The following CDH12 variants were observed in gnomAD, a reference collection of about 807,000 sequenced individuals.
CDH12 encodes the protein cadherin 12.
Under a neutral mutation model 74.1 loss-of-function variants are expected in CDH12, and 41 were observed. The observed-to-expected ratio is 0.55, with a 90% CI of 0.43 to 0.72. The LOEUF (loss-of-function observed/expected upper bound fraction) is 0.72. CDH12 is among the 30% of genes least tolerant of loss of function. CDH12 has a pLI of 0.00. For missense variants in CDH12, 945 were observed against 977.2 expected, an observed-to-expected ratio of 0.97 and a Z score of 0.44; for synonymous variants, 399 against 355.0, an observed-to-expected ratio of 1.12 and a Z score of -1.39.
chr5:22,333,734 C>T (rs772370290), intron 3 of CDH12, among the ~76,000 whole-genome samples: 16 of 152,042 alleles, frequency 1.1e-4, no homozygotes, highest in African/African-American at 2.2e-4. Flanking sequence ...ACATTCTTAA[C>T]GATACACTAG....
At chr5:22,518,633 T>C (rs956790745) in intron 1 of CDH12, among the ~76,000 whole-genome samples, 9 of 152,212 alleles carry the variant, frequency 5.9e-5, no homozygotes, top group Admixed American at 3.9e-4. Context: ...CCTTTTCTTG[T>C]ACGAATTAGA....
At chr5:21,924,594 C>CT (rs1754506859) in intron 6 of CDH12, among the ~76,000 whole-genome samples, 1 of 152,106 alleles carries the variant, frequency 6.6e-6, no homozygotes, top group South Asian at 2.1e-4. Context: ...TCAGTCCTGT[C>CT]TAAGTTCTAG....
chr5:22,319,555 CA>C (rs1738775524), intron 3 of CDH12, among the ~76,000 whole-genome samples: 1 of 151,848 alleles, frequency 6.6e-6, no homozygotes, highest in South Asian at 2.1e-4. Context: ...ACTGACAGTA[CA>C]ATGATAAAAA....
chr5:22,518,784 C>T (rs930885368), intron 1 of CDH12, among the ~76,000 whole-genome samples: 2 of 152,092 alleles, frequency 1.3e-5, no homozygotes, highest in African/African-American at 4.8e-5. Flanking sequence ...GCAAGGAGTG[C>T]CTTTGGTAAA....
chr5:22,778,141 T>C (rs549320792), intron 1 of CDH12, among the ~76,000 whole-genome samples: 1 of 152,166 alleles, frequency 6.6e-6, no homozygotes, highest in Non-Finnish European at 1.5e-5. Context: ...TCTCATCATA[T>C]ATTTAGAAAA....
At chr5:22,280,572 C>A (rs926540238) in intron 3 of CDH12, among the ~76,000 whole-genome samples, 1 of 152,098 alleles carries the variant, frequency 6.6e-6, no homozygotes, top group Non-Finnish European at 1.5e-5. Flanking sequence ...ATACAAACTA[C>A]CATCAGGGAA....
In CDH12 at chr5:22,635,249, AT is replaced by A. The variant is rs550802682; in HGVS notation, c.-522-129886del. On this transcript the variant is annotated intron_variant, in intron 1 of 14. Coordinates refer to ENST00000382254, the MANE Select transcript of CDH12 (RefSeq NM_004061.5). ...GCCAAGAAAATTCAATGGGGACACA[AT>A]TTTCTTTTCGACAGTGAGTGCTGGG... is the stretch of plus-strand genomic sequence containing the variant. Among the ~76,000 whole-genome samples the A allele has an allele frequency of 9.3e-4, 142 of 152,244 alleles. 4 individuals carry two copies. Among genetic ancestry groups the A allele is most frequent in the Admixed American group, 9.1e-3 (139 of 15,296 alleles).
chr5:22,324,525 T>C (rs1281393601), intron 3 of CDH12, among the ~76,000 whole-genome samples: 1 of 151,888 alleles, frequency 6.6e-6, no homozygotes, highest in Non-Finnish European at 1.5e-5. Context: ...CCTTACTGAG[T>C]GTATCTCAAG....
At chr5:22,798,462 T>A (rs896701852) in intron 1 of CDH12, among the ~76,000 whole-genome samples, 1 of 152,066 alleles carries the variant, frequency 6.6e-6, no homozygotes, top group Non-Finnish European at 1.5e-5. Flanking sequence ...TGTTCATTAT[T>A]GTTATCCTAA....
intron 3 of CDH12, among the ~76,000 whole-genome samples, chr5:22,265,033 G>A (rs913008298): frequency 6.6e-6 from 1 of 152,158 alleles, no homozygotes; most frequent in African/African-American, 2.4e-5. Context: ...ATAAGTTTTT[G>A]TTAGCATGAA....
chr5:22,153,003 C>T (rs1028900168), intron 4 of CDH12, among the ~76,000 whole-genome samples: 1 of 152,078 alleles, frequency 6.6e-6, no homozygotes, highest in Non-Finnish European at 1.5e-5. Flanking sequence ...ATTTACCCAT[C>T]CACTTCTTGA....
chr5:22,325,323 A>G (rs1162096516), intron 3 of CDH12, among the ~76,000 whole-genome samples: 1 of 152,220 alleles, frequency 6.6e-6, no homozygotes, highest in Non-Finnish European at 1.5e-5. Context: ...GCCAGAAAAT[A>G]TATTAAAAAG....
At chr5:22,043,214 C>T (rs1345936942) in intron 5 of CDH12, among the ~76,000 whole-genome samples, 1 of 152,020 alleles carries the variant, frequency 6.6e-6, no homozygotes, top group East Asian at 1.9e-4. Context: ...ACTAGCAAAA[C>T]AAATACAGCA....
chr5:22,288,703 C>A (rs949008941), intron 3 of CDH12, among the ~76,000 whole-genome samples: 3 of 151,942 alleles, frequency 2.0e-5, no homozygotes, highest in African/African-American at 2.4e-5. Context: ...AGTGGTGGAC[C>A]AAATTGTCTA....
At chr5:22,041,254 G>C (rs986540648) in intron 5 of CDH12, among the ~76,000 whole-genome samples, 1 of 151,820 alleles carries the variant, frequency 6.6e-6, no homozygotes, top group Non-Finnish European at 1.5e-5. Context: ...AAACAAGAGC[G>C]GGGAAAAAAG....
intron 6 of CDH12, among the ~76,000 whole-genome samples, chr5:21,956,474 G>C (rs1314406898): frequency 6.6e-6 from 1 of 151,942 alleles, no homozygotes; most frequent in Non-Finnish European, 1.5e-5. Context: ...GTAATCTTTA[G>C]ACATCAGTTT....
At chr5:22,332,723 C>T (rs918181600) in intron 3 of CDH12, among the ~76,000 whole-genome samples, 8 of 152,140 alleles carry the variant, frequency 5.3e-5, no homozygotes, top group Non-Finnish European at 8.8e-5. Flanking sequence ...AAAAGCTCAA[C>T]ATCAATGATC....
chr5:22,173,754 G>T (rs1196216184), intron 4 of CDH12, among the ~76,000 whole-genome samples: 1 of 151,696 alleles, frequency 6.6e-6, no homozygotes, highest in African/African-American at 2.4e-5. Flanking sequence ...TAACACTTAC[G>T]TAATGTGTAA....
chr5:22,840,160 A>G (rs752229060), intron 1 of CDH12, among the ~76,000 whole-genome samples: 2 of 152,072 alleles, frequency 1.3e-5, no homozygotes, highest in Non-Finnish European at 2.9e-5. Context: ...TCGCTTTATC[A>G]CCCAGGCTGG....
Sources: allele counts gnomAD v4.1 joint callset (sites outside exome capture counted in the v4.1 genomes callset), GRCh38; gene constraint gnomAD v4.1.1; transcripts MANE v1.5; gene names NCBI Gene and HGNC (gene_info 2026-07-23, HGNC 2026-07-21).